The following COL5A2 variants were observed in gnomAD, a reference collection of about 807,000 sequenced individuals.
The protein encoded by COL5A2 is collagen type V alpha 2 chain, also known as collagen alpha-2(V) chain.
Under a neutral mutation model 208.2 loss-of-function variants are expected in COL5A2, and 23 were observed. That is an observed-to-expected ratio of 0.11 (90% CI 0.08 to 0.16). The LOEUF (loss-of-function observed/expected upper bound fraction) is 0.16. Among genes scored for constraint, COL5A2 ranks in the 10% least tolerant of loss-of-function variants. The pLI, the probability that COL5A2 is intolerant of heterozygous loss-of-function variation, is 1.00. For synonymous variants in COL5A2, 625 were observed against 628.5 expected (o/e 0.99, Z 0.08); for missense variants, 1,590 against 1,956.4 (o/e 0.81, Z 3.53).
the COL5A2 span, among the ~76,000 whole-genome samples, chr2:189,261,375 G>C: frequency 6.6e-6 from 1 of 150,710 alleles, no homozygotes; most frequent in African/African-American, 2.5e-5. Flanking sequence ...TAATGGAAAA[G>C]TAAATACAAA....
Position 189,084,003 on chromosome 2 carries a change from A to T in COL5A2, c.833T>A (p.Val278Glu). The change falls in exon 12 of 54, where the codon GTG (valine) becomes GAG (glutamate). Residue 278 changes from valine (V) to glutamate (E), a missense_variant. Val to Glu is a moderately radical substitution (Grantham distance 121). Transcript: ENST00000374866. Reference sequence around the variant, plus strand: ...ACTTACCGGAGATCCTGCAAATCCCACTTCACCAGGATTTCCATTTCTGCC... The same window carrying T: ...ACTTACCGGAGATCCTGCAAATCCCTCTTCACCAGGATTTCCATTTCTGCC... The part of the protein sequence containing the change: ...EPGRNGNPGE[V>E]GFAGSPGARG... 6.2e-7 allele frequency: 1 copy of T among 1,613,524 alleles called. No homozygotes were observed. The highest frequency in any genetic ancestry group is 8.5e-7 in the Non-Finnish European group (1 of 1,179,514).
At chr2:189,234,235 T>C in the COL5A2 span, among the ~76,000 whole-genome samples, 147 of 151,838 alleles carry the variant, frequency 9.7e-4, no homozygotes, top group African/African-American at 3.1e-3. Flanking sequence ...CCCATTCCAC[T>C]ACACACACCC....
In COL5A2 at chr2:189,032,249, T is replaced by C. The variant is rs969524091; in HGVS notation, c.*1821A>G. The C allele has an allele frequency of 1.3e-5, 2 of 152,148 alleles. No homozygotes were observed. The highest frequency in any genetic ancestry group is 6.6e-5 in the Admixed American group (1 of 15,262). 9.4% of individuals were successfully genotyped at this position (152,148 alleles called of 1,614,324 possible). A position where few individuals can be genotyped will look rare whatever the true frequency, so the allele number is the denominator to read the frequency against. On this transcript the variant is annotated 3_prime_UTR_variant, in exon 54 of 54. Coordinates refer to ENST00000374866, the MANE Select transcript of COL5A2 (RefSeq NM_000393.5). The stretch of plus-strand genomic sequence containing the variant: ...TTTATTATTACAGTTTATTCAGTCA[T>C]GAAAAATCTATTGCTTGCCCTTTTT...
At chr2:189,269,552 G>A in the COL5A2 span, among the ~76,000 whole-genome samples, 1 of 152,052 alleles carries the variant, frequency 6.6e-6, no homozygotes, top group Non-Finnish European at 1.5e-5. Context: ...ATTGATTAGT[G>A]TATGGTGAAC....
chr2:189,049,583 C>T, intron 43 of COL5A2, 129 bp from the exon 44 acceptor site: 1 of 729,852 alleles, frequency 1.4e-6, no homozygotes, highest in Non-Finnish European at 2.4e-6. Flanking sequence ...TATCTTACAA[C>T]ACTCATGTAA....
At chr2:189,160,598 A>G (rs1688340174) in intron 1 of COL5A2, among the ~76,000 whole-genome samples, 2 of 151,988 alleles carry the variant, frequency 1.3e-5, no homozygotes, top group Non-Finnish European at 2.9e-5. Flanking sequence ...TGCACAGAGA[A>G]GGAAAAATAA....
intron 49 of COL5A2, 57 bp from the exon 50 acceptor site, chr2:189,041,750 T>G: frequency 9.0e-7 from 1 of 1,110,222 alleles, no homozygotes; most frequent in Non-Finnish European, 1.4e-6. Context: ...TTACAATGCC[T>G]TTCTCTAATC....
chr2:189,333,361 C>A, the COL5A2 span, among the ~76,000 whole-genome samples: 3 of 152,058 alleles, frequency 2.0e-5, no homozygotes, highest in South Asian at 2.1e-4. Context: ...ACTAATATAA[C>A]AGATGAAAGA....
the COL5A2 span, among the ~76,000 whole-genome samples, chr2:189,397,762 T>A: frequency 6.6e-6 from 1 of 151,988 alleles, no homozygotes; most frequent in Admixed American, 6.5e-5. Flanking sequence ...AAAATTAAAT[T>A]TTGGCTTTTT....
intron 1 of COL5A2, among the ~76,000 whole-genome samples, chr2:189,195,369 G>A (rs909365591): frequency 6.6e-6 from 1 of 152,210 alleles, no homozygotes; most frequent in South Asian, 2.1e-4. Flanking sequence ...AATTAATATC[G>A]TGAAAATGGC....
At chr2:189,409,203 TC>T in the COL5A2 span, among the ~76,000 whole-genome samples, 16,544 of 114,672 alleles carry the variant, frequency 0.14, 1,500 homozygotes, top group South Asian at 0.25. Flanking sequence ...ATAAATTTAC[TC>T]TTTTTTTTTT....
At chr2:189,380,719 C>G in the COL5A2 span, among the ~76,000 whole-genome samples, 1 of 151,578 alleles carries the variant, frequency 6.6e-6, no homozygotes, top group Non-Finnish European at 1.5e-5. Flanking sequence ...TATACAGGGG[C>G]AAAAAAATTA....
chr2:189,288,276 T>G, the COL5A2 span, among the ~76,000 whole-genome samples: 2 of 152,344 alleles, frequency 1.3e-5, no homozygotes, highest in Admixed American at 1.3e-4. Flanking sequence ...GTCTTTCTCC[T>G]GCACATTATA....
the COL5A2 span, among the ~76,000 whole-genome samples, chr2:189,344,845 A>G: frequency 6.6e-6 from 1 of 152,222 alleles, no homozygotes; most frequent in Non-Finnish European, 1.5e-5. Flanking sequence ...ATGGGCAGGT[A>G]GCTGCTTAGG....
chr2:189,172,872 A>G (rs1229311662), intron 1 of COL5A2, among the ~76,000 whole-genome samples: 1 of 151,858 alleles, frequency 6.6e-6, no homozygotes, highest in Non-Finnish European at 1.5e-5. Flanking sequence ...AAAGCATGTA[A>G]ACATTTTTGA....
At chr2:189,211,906 G>A (rs974545404) in intron 1 of COL5A2, among the ~76,000 whole-genome samples, 3 of 152,112 alleles carry the variant, frequency 2.0e-5, no homozygotes, top group Non-Finnish European at 2.9e-5. Context: ...CAATAGCCTC[G>A]AGCCTCTGTG....
the COL5A2 span, among the ~76,000 whole-genome samples, chr2:189,235,561 G>C: frequency 6.6e-6 from 1 of 151,668 alleles, no homozygotes; most frequent in Admixed American, 6.6e-5. Context: ...ACATAAAGAT[G>C]CAATATGTGT....
At chr2:189,400,099 GTTGA>G in the COL5A2 span, among the ~76,000 whole-genome samples, 1 of 151,932 alleles carries the variant, frequency 6.6e-6, no homozygotes, top group Non-Finnish European at 1.5e-5. Context: ...TTTTTTGTTT[GTTGA>G]TTGGTTTGGT....
At chr2:189,245,779 G>A in the COL5A2 span, among the ~76,000 whole-genome samples, 1 of 152,104 alleles carries the variant, frequency 6.6e-6, no homozygotes, top group African/African-American at 2.4e-5. Flanking sequence ...TATGGTCAAG[G>A]GAGATTTTTA....
Sources: allele counts gnomAD v4.1 joint callset (sites outside exome capture counted in the v4.1 genomes callset), GRCh38; gene constraint gnomAD v4.1.1; transcripts MANE v1.5; gene names NCBI Gene and HGNC (gene_info 2026-07-23, HGNC 2026-07-21).